CD200R1: variants seen among roughly 807,000 people sequenced by gnomAD.
CD200R1 encodes the protein CD200 receptor 1.
CD200R1 carries 30 observed loss-of-function variants against 38.1 expected under a neutral mutation model. The ratio of observed to expected loss-of-function variants is 0.79; its 90% CI spans 0.59 to 1.07. The LOEUF (loss-of-function observed/expected upper bound fraction) is 1.07, where lower values mean the gene tolerates loss of function less well. Among genes scored for constraint, CD200R1 ranks in the 50% least tolerant of loss-of-function variants. CD200R1 has a pLI of 0.00. For synonymous variants in CD200R1, 128 were observed against 152.1 expected (o/e 0.84, Z 1.16); for missense variants, 372 against 415.4 (o/e 0.90, Z 0.91).
intron 7 of CD200R1, 87 bp downstream of exon 7, chr3:112,924,403 T>C (rs1391588804): frequency 9.7e-7 from 1 of 1,036,256 alleles, no homozygotes; most frequent in Non-Finnish European, 1.3e-6. Context: ...ACTGAAACAC[T>C]AATATTGATA....
At chr3:112,950,164 T>C (rs571481710) in intron 1 of CD200R1, among the ~76,000 whole-genome samples, 1 of 152,236 alleles carries the variant, frequency 6.6e-6, no homozygotes, top group Admixed American at 6.5e-5. Context: ...TGTGGAGAGA[T>C]AGGTATGTCT....
chr3:112,970,058 G>T (rs192529165), intron 1 of CD200R1, among the ~76,000 whole-genome samples: 62 of 152,008 alleles, frequency 4.1e-4, no homozygotes, highest in African/African-American at 1.5e-3. Context: ...CACACCTGTA[G>T]TCCCAGCTAC....
rs754326790 is a variant in CD200R1 at position 112,925,195 on chromosome 3, T to G, written c.770-2A>C. ...TTGCTGATTTTTTGGCACCTGGAAC[T>G]ATAGACACAAAAATATATGGTTCAA... is the stretch of plus-strand genomic sequence containing the variant. On this transcript the variant is annotated splice_acceptor_variant, in intron 5 of 7. Coordinates refer to ENST00000308611, the MANE Select transcript of CD200R1 (RefSeq NM_138806.4). LOFTEE classifies it high-confidence loss of function. 7.3e-7 allele frequency: 1 copy of G among 1,369,952 alleles called. No homozygotes were observed. Among genetic ancestry groups the G allele is most frequent in the Non-Finnish European group, 1.0e-6 (1 of 961,230 alleles). 84.9% of individuals were successfully genotyped at this position (1,369,952 alleles called of 1,614,324 possible).
intron 5 of CD200R1, among the ~76,000 whole-genome samples, chr3:112,926,691 T>C (rs1940287724): frequency 6.6e-6 from 1 of 152,148 alleles, no homozygotes; most frequent in Non-Finnish European, 1.5e-5. Context: ...ACTTAAATGA[T>C]AGATATAAAT....
In CD200R1 at chr3:112,952,093, G is replaced by A. The variant is rs185526255; in HGVS notation, c.68-4169C>T. Among the ~76,000 whole-genome samples the A allele has an allele frequency of 5.2e-4, 78 of 150,530 alleles. No homozygotes were observed. In the South Asian group the frequency reaches 0.014, roughly 27 times the overall value. On this transcript the variant is annotated intron_variant, in intron 1 of 7. Transcript: ENST00000308611. ...TTTACTTAAGTTTAAGCTACACTCT[G>A]AAGCTACAGTAATCAAAACAATCTG...
At chr3:112,932,684 G>A (rs755640308) in intron 2 of CD200R1, among the ~76,000 whole-genome samples, 5 of 151,986 alleles carry the variant, frequency 3.3e-5, no homozygotes, top group Admixed American at 6.6e-5. Flanking sequence ...CAAGGGTGTC[G>A]CTCCCAGAGG....
intron 1 of CD200R1, among the ~76,000 whole-genome samples, chr3:112,948,730 A>G (rs1322316508): frequency 3.3e-5 from 5 of 152,228 alleles, no homozygotes; most frequent in Non-Finnish European, 7.3e-5. Flanking sequence ...ACAATGGCCT[A>G]TTAAGTTCAC....
At chr3:112,945,897 T>G (rs1033627964) in intron 2 of CD200R1, among the ~76,000 whole-genome samples, 56 of 151,946 alleles carry the variant, frequency 3.7e-4, no homozygotes, top group African/African-American at 1.2e-3. Context: ...GCGTGGTAGC[T>G]GGCGCCTGTA....
chr3:112,965,265 GAGAGTA>G (rs1398027316), intron 1 of CD200R1, among the ~76,000 whole-genome samples: 1 of 152,190 alleles, frequency 6.6e-6, no homozygotes, highest in African/African-American at 2.4e-5. Flanking sequence ...AGATCTGAAA[GAGAGTA>G]AGTTTAACAA....
chr3:112,964,013 C>A (rs1933090370), intron 1 of CD200R1, among the ~76,000 whole-genome samples: 1 of 152,182 alleles, frequency 6.6e-6, no homozygotes, highest in South Asian at 2.1e-4. Flanking sequence ...TCAGAGGGTG[C>A]AAGCCTCAAG....
rs535142075 is a variant in CD200R1, at chr3:112,938,226, T to G, written c.137-7055A>C. ...ACCCTGGCCACAACTTCCAATACCA[T>G]GTTAAATAGAAGTGGTGAGAGAGGG... On this transcript the variant is annotated intron_variant, in intron 2 of 7. Coordinates refer to ENST00000308611, the MANE Select transcript of CD200R1 (RefSeq NM_138806.4). 3.3e-5 allele frequency among the ~76,000 whole-genome samples: 5 copies of G among 152,238 alleles called. No individual in the cohort carries two copies. The South Asian group carries it at 8.3e-4, about 25-fold the overall frequency.
At chr3:112,927,897 GAAA>G (rs905502890) in intron 5 of CD200R1, among the ~76,000 whole-genome samples, 1 of 152,038 alleles carries the variant, frequency 6.6e-6, no homozygotes, top group Non-Finnish European at 1.5e-5. Context: ...GAAGTCCAAG[GAAA>G]AAAAGTCATT....
chr3:112,955,354 T>A (rs1194201194), intron 1 of CD200R1, among the ~76,000 whole-genome samples: 1 of 152,188 alleles, frequency 6.6e-6, no homozygotes, highest in Non-Finnish European at 1.5e-5. Flanking sequence ...AATGTTATTG[T>A]CTTGCAGTCT....
chr3:112,942,871 T>A (rs9854885), intron 2 of CD200R1, among the ~76,000 whole-genome samples: 90,648 of 151,390 alleles, frequency 0.6, 27,574 homozygotes, highest in African/African-American at 0.71. Flanking sequence ...GAAAAGTTAT[T>A]ACATAATGAT....
At chr3:112,929,166 A>G (rs1940356728) in intron 4 of CD200R1, 24 bp downstream of exon 4, 2 of 1,613,740 alleles carry the variant, frequency 1.2e-6, no homozygotes, top group Non-Finnish European at 1.7e-6. Context: ...GATGTGAAAT[A>G]CCTCAATATA....
chr3:112,932,203 G>A (rs917555574), intron 2 of CD200R1, among the ~76,000 whole-genome samples: 5 of 152,092 alleles, frequency 3.3e-5, no homozygotes, highest in South Asian at 2.1e-4. Flanking sequence ...GAAGTACACC[G>A]TGTCCTGGGG....
intron 1 of CD200R1, among the ~76,000 whole-genome samples, chr3:112,959,741 CAA>C (rs1159750248): frequency 6.6e-6 from 1 of 151,966 alleles, no homozygotes; most frequent in Non-Finnish European, 1.5e-5. Flanking sequence ...CTCAAAGTTT[CAA>C]AGTTTCTTTC....
chr3:112,961,697 A>G (rs907228861), intron 1 of CD200R1, among the ~76,000 whole-genome samples: 9 of 152,142 alleles, frequency 5.9e-5, no homozygotes, highest in Non-Finnish European at 1.2e-4. Context: ...AAAAAAGAAA[A>G]AGAAAAATAC....
At chr3:112,961,969 A>C (rs923841209) in intron 1 of CD200R1, among the ~76,000 whole-genome samples, 2 of 152,192 alleles carry the variant, frequency 1.3e-5, no homozygotes, top group Non-Finnish European at 2.9e-5. Context: ...TATAAAAAGA[A>C]AGGTGAGAAG....
Sources: gnomAD v4.1 joint callset for allele counts (sites outside exome capture counted in the v4.1 genomes callset) on GRCh38, gnomAD v4.1.1 for gene constraint, MANE v1.5 for transcripts, NCBI Gene and HGNC (gene_info 2026-07-23, HGNC 2026-07-21) for gene names.